NPHP1: variants seen among roughly 807,000 people sequenced by gnomAD.
NPHP1 encodes nephrocystin-1.
A neutral mutation model predicts 90.4 loss-of-function variants in NPHP1; 70 were observed. The ratio of observed to expected loss-of-function variants is 0.77; its 90% confidence interval spans 0.64 to 0.95. The LOEUF (loss-of-function observed/expected upper bound fraction) is 0.95. Ranked by LOEUF, NPHP1 falls within the 40% of genes least tolerant of loss-of-function variation. NPHP1 has a pLI of 0.00. For synonymous variants in NPHP1, 256 were observed against 271.7 expected, an observed-to-expected ratio of 0.94 and a Z score of 0.57; for missense variants, 764 against 795.9, an observed-to-expected ratio of 0.96 and a Z score of 0.48.
intron 4 of NPHP1, among the ~76,000 whole-genome samples, chr2:110,175,724 T>C (rs1055024903): frequency 2.0e-5 from 3 of 152,072 alleles, no homozygotes; most frequent in Non-Finnish European, 2.9e-5. Context: ...GATTCTTGGA[T>C]CAGTGGATTG....
rs1684144430 is a variant in NPHP1 at position 110,184,518 on chromosome 2, G to T, written c.144-4834C>A. 10 of 1,187,788 alleles carry T rather than the reference G, an allele frequency of 8.4e-6. No homozygotes were observed. The South Asian group carries it at 9.4e-5, about 11-fold the overall frequency. 73.6% of individuals were successfully genotyped at this position (1,187,788 alleles called of 1,614,324 possible). On this transcript the variant is annotated intron_variant, in intron 2 of 19. Transcript: ENST00000445609. ...CCTTTATGCCACAGGCAGGACCACGGGGGTGGTGCTGGATTCTGGGGATGG... is the reference window on the plus strand; with the variant it reads ...CCTTTATGCCACAGGCAGGACCACGTGGGTGGTGCTGGATTCTGGGGATGG...
chr2:110,136,979 T>C (rs192670576), intron 16 of NPHP1, among the ~76,000 whole-genome samples: 194 of 152,210 alleles, frequency 1.3e-3, no homozygotes, highest in African/African-American at 4.2e-3. Context: ...AACAGAGATA[T>C]AGACCTATGG....
intron 8 of NPHP1, 135 bp from the exon 9 acceptor site, chr2:110,163,270 T>C (rs1682480604): frequency 1.4e-6 from 1 of 706,936 alleles, no homozygotes; most frequent in African/African-American, 1.8e-5. Flanking sequence ...AATAATACGA[T>C]TTGGCCCCAA....
intron 2 of NPHP1, chr2:110,184,664 TGATTTCCACTCATCGTTTGA>T: frequency 1.3e-6 from 1 of 758,816 alleles, no homozygotes; most frequent in Non-Finnish European, 2.4e-6. Context: ...AGGAGGGCTA[TGATTTCCACTCATCGTTTGA>T]GATTTCCACT....
rs1685576313 is a variant in NPHP1 at position 110,201,491 on chromosome 2, C to G, written c.73G>C (p.Asp25His). The G allele has an allele frequency of 6.2e-7, 1 of 1,605,706 alleles. No individual in the cohort carries two copies. The highest frequency in any genetic ancestry group is 8.5e-7 in the Non-Finnish European group (1 of 1,173,980). Residue 25 changes from aspartate to histidine, a missense_variant, in exon 2 of 20, where the codon GAT (aspartate) becomes CAT (histidine). Physicochemically the swap from Asp to His is moderately conservative, Grantham distance 81. Coordinates refer to ENST00000445609, the MANE Select transcript of NPHP1 (RefSeq NM_001128178.3). ...RRNQELKQQVDSLLSESQLKE... is the reference protein window; with the variant it reads ...RRNQELKQQVHSLLSESQLKE... ...AGTTGGCTCTCAGAAAGCAAACTAT[C>G]AACCTATGGAGACCATTTAAAATAT...
chr2:110,201,520 A>T, intron 1 of NPHP1, 26 bp from the exon 2 acceptor site: 1 of 1,475,238 alleles, frequency 6.8e-7, no homozygotes, highest in Non-Finnish European at 9.5e-7. Context: ...AAAATATCAC[A>T]TTATTAAATA....
chr2:110,191,876 T>A (rs1415360203), intron 2 of NPHP1, among the ~76,000 whole-genome samples: 5 of 152,022 alleles, frequency 3.3e-5, no homozygotes, highest in Admixed American at 1.3e-4. Flanking sequence ...CAGCCTCTGC[T>A]GCTGATACCC....
intron 18 of NPHP1, 74 bp downstream of exon 18, chr2:110,129,112 C>T: frequency 8.8e-7 from 1 of 1,135,658 alleles, no homozygotes; most frequent in Non-Finnish European, 1.3e-6. Flanking sequence ...AAGGCCTAGA[C>T]AGAACTCATT....
chr2:110,156,975 T>G (rs527240105), intron 11 of NPHP1, among the ~76,000 whole-genome samples: 1 of 152,042 alleles, frequency 6.6e-6, no homozygotes, highest in Admixed American at 6.6e-5. Context: ...CGCGGTTTCA[T>G]CATGTTGGCC....
intron 4 of NPHP1, among the ~76,000 whole-genome samples, chr2:110,176,852 C>T (rs954823790): frequency 6.6e-6 from 1 of 152,184 alleles, no homozygotes; most frequent in Admixed American, 6.5e-5. Context: ...ATCCATTAAG[C>T]TCTTAGTCTC....
intron 2 of NPHP1, among the ~76,000 whole-genome samples, 192 bp downstream of exon 2, chr2:110,201,229 C>A (rs991644208): frequency 6.6e-5 from 10 of 152,092 alleles, no homozygotes; most frequent in African/African-American, 2.4e-4. Flanking sequence ...TTACATTAAG[C>A]AGTTTTTATA....
chr2:110,191,401 A>G (rs1684723536), intron 2 of NPHP1, among the ~76,000 whole-genome samples: 2 of 152,196 alleles, frequency 1.3e-5, no homozygotes, highest in South Asian at 4.1e-4. Context: ...CTACGCCCAG[A>G]GAGCCTCGCT....
At chr2:110,189,558 A>G (rs1207852605) in intron 2 of NPHP1, among the ~76,000 whole-genome samples, 1 of 152,110 alleles carries the variant, frequency 6.6e-6, no homozygotes, top group Non-Finnish European at 1.5e-5. Context: ...GATTTATTGC[A>G]AACAGCGAAA....
intron 2 of NPHP1, chr2:110,185,121 G>A (rs1684195544): frequency 3.4e-6 from 2 of 580,540 alleles, no homozygotes; most frequent in Admixed American, 3.8e-5. Flanking sequence ...AGAAGATGTG[G>A]GTCTCCAAGA....
intron 16 of NPHP1, among the ~76,000 whole-genome samples, chr2:110,135,907 T>A (rs191069168): frequency 2.0e-4 from 30 of 152,310 alleles, no homozygotes; most frequent in African/African-American, 6.7e-4. Context: ...ACCACTGTGA[T>A]GAGGTGACAG....
intron 11 of NPHP1, among the ~76,000 whole-genome samples, chr2:110,155,508 T>C (rs1681824110): frequency 6.6e-6 from 1 of 152,140 alleles, no homozygotes; most frequent in African/African-American, 2.4e-5. Flanking sequence ...TGCCAGCCCA[T>C]GAAAGCAGCC....
Position 110,123,659 on chromosome 2 carries a change from T to G in NPHP1, c.*132A>C. The G allele has an allele frequency of 1.3e-6, 1 of 799,260 alleles. No homozygotes were observed. Among genetic ancestry groups the G allele is most frequent in the Non-Finnish European group, 2.0e-6 (1 of 488,690 alleles). The allele number at this position is 799,260 out of a possible 1,614,324, so 49.5% of individuals were successfully genotyped here. ...TTGTATAAACATTTCTTTAAAAATA[T>G]GGTCTGTAGAAAGAAAAGAGTAAAA... On this transcript the variant is annotated 3_prime_UTR_variant, in exon 20 of 20. Coordinates refer to ENST00000445609, the MANE Select transcript of NPHP1 (RefSeq NM_001128178.3).
intron 2 of NPHP1, among the ~76,000 whole-genome samples, chr2:110,183,044 AAAG>A (rs1684018793): frequency 6.6e-6 from 1 of 152,200 alleles, no homozygotes; most frequent in African/African-American, 2.4e-5. Flanking sequence ...AAAAAAAGAC[AAAG>A]AAGGGCATTA....
intron 18 of NPHP1, 92 bp from the exon 19 acceptor site, chr2:110,125,773 C>T: frequency 2.8e-6 from 3 of 1,064,364 alleles, no homozygotes; most frequent in Non-Finnish European, 4.4e-6. Context: ...AACTTATGGA[C>T]AGGGTTAAAA....
Sources: gnomAD v4.1 joint callset for allele counts (sites outside exome capture counted in the v4.1 genomes callset) on GRCh38, gnomAD v4.1.1 for gene constraint, MANE v1.5 for transcripts, NCBI Gene and HGNC (gene_info 2026-07-23, HGNC 2026-07-21) for gene names.